The following ONECUT1 variants were observed in gnomAD, a reference collection of about 807,000 sequenced individuals.
The protein encoded by ONECUT1 is one cut homeobox 1, also known as hepatocyte nuclear factor 6.
A neutral mutation model predicts 25.6 loss-of-function variants in ONECUT1; 12 were observed. The ratio of observed to expected loss-of-function variants is 0.47; its 90% CI spans 0.30 to 0.76. The LOEUF is 0.76. Ranked by LOEUF, ONECUT1 falls within the 30% of genes least tolerant of loss-of-function variation. The pLI is 0.07. For missense variants in ONECUT1, 620 were observed against 651.2 expected, an observed-to-expected ratio of 0.95 and a Z score of 0.52; for synonymous variants, 285 against 270.2, an observed-to-expected ratio of 1.05 and a Z score of -0.54.
rs929909598 is a variant in ONECUT1, at chr15:52,757,211, G to T, written c.*344C>A. On this transcript the variant is annotated 3_prime_UTR_variant, in exon 2 of 2. Coordinates refer to ENST00000305901, the MANE Select transcript of ONECUT1 (RefSeq NM_004498.4). Reference sequence around the variant, plus strand: ...GTGGCATGGTAGAACAGATGAGAAAGTTCGATCTTAAAAGATGTCCGCTCA... The same window carrying T: ...GTGGCATGGTAGAACAGATGAGAAATTTCGATCTTAAAAGATGTCCGCTCA... 4.4e-5 allele frequency: 11 copies of T among 250,060 alleles called. No homozygotes were observed. Among genetic ancestry groups the T allele is most frequent in the African/African-American group, 2.1e-4 (9 of 43,510 alleles). 15.5% of individuals were successfully genotyped at this position (250,060 alleles called of 1,614,324 possible). A position where few individuals can be genotyped will look rare whatever the true frequency, so the allele number is the denominator to read the frequency against.
At chr15:52,787,642 A>AGGGGGGGGGGGGGGGG (rs1250360596) in intron 1 of ONECUT1, 1 of 12,818 alleles carries the variant, frequency 7.8e-5, no homozygotes, top group African/African-American at 3.0e-4. Context: ...GGGGTGGGGG[A>AGGGGGGGGGGGGGGGG]GTGGGGGGGG....
At chr15:52,767,356 C>T (rs2083740630) in intron 1 of ONECUT1, among the ~76,000 whole-genome samples, 1 of 152,196 alleles carries the variant, frequency 6.6e-6, no homozygotes, top group African/African-American at 2.4e-5. Context: ...GGTTTGTCTT[C>T]TCTCCCTTGT....
rs745904129 is a variant in ONECUT1 at position 52,789,591 on chromosome 15, G to C, written c.294C>G (p.Ser98Arg). 1.5e-5 allele frequency: 24 copies of C among 1,575,322 alleles called. No individual in the cohort carries two copies. The highest frequency in any genetic ancestry group is 2.1e-5 in the Non-Finnish European group (24 of 1,158,316). The change falls in exon 1 of 2, where the codon AGC becomes AGG. Residue 98 changes from serine (S) to arginine (R), a missense_variant. Physicochemically the swap from Ser to Arg is moderately radical, Grantham distance 110. Around this residue, in one of 4 missense-constraint regions of ONECUT1, gnomAD observed 440 missense variants for 404.9 expected, o/e 1.09. Transcript: ENST00000305901. This position sits in a 1 kb window ranked among gnomAD's most constrained non-coding sequence, Gnocchi z 4.1. ...TCAAGGTGGTGTAGGTGGTGGGCATGCTCATACCTGGGGGAGTCTCGCAGG... is the reference window on the plus strand; with the variant it reads ...TCAAGGTGGTGTAGGTGGTGGGCATCCTCATACCTGGGGGAGTCTCGCAGG... ...TMACETPPGM[S>R]MPTTYTTLTP...
In ONECUT1 at chr15:52,772,772, T is replaced by C. The variant is rs554635126; in HGVS notation, c.1106-14925A>G. Among the ~76,000 whole-genome samples the C allele has an allele frequency of 9.8e-5, 15 of 152,340 alleles. No homozygotes were observed. The East Asian group carries it at 2.9e-3, about 29-fold the overall frequency. Reference sequence around the variant, plus strand: ...TTTTTGTTGTTTTTGTTTTAATTTCTGCAGCTCCACACCCATGCTGTGACA... The same window carrying C: ...TTTTTGTTGTTTTTGTTTTAATTTCCGCAGCTCCACACCCATGCTGTGACA... On this transcript the variant is annotated intron_variant, in intron 1 of 1. Coordinates refer to ENST00000305901, the MANE Select transcript of ONECUT1 (RefSeq NM_004498.4).
Position 52,755,936 on chromosome 15 carries a change from GA to G in ONECUT1, c.*1618del, listed in dbSNP as rs2083671953. ...TCTGGTTAAGTGATTTGGACAAATA[GA>G]AATTTAAAATTTTGTATTTGTAAGC... On this transcript the variant is annotated 3_prime_UTR_variant, in exon 2 of 2. Transcript: ENST00000305901. 6.6e-6 allele frequency among the ~76,000 whole-genome samples: 1 copy of G among 152,042 alleles called. No homozygotes were observed. The highest frequency in any genetic ancestry group is 6.6e-5 in the Admixed American group (1 of 15,258).
At chr15:52,783,698 G>C (rs2083855657) in intron 1 of ONECUT1, among the ~76,000 whole-genome samples, 1 of 152,240 alleles carries the variant, frequency 6.6e-6, no homozygotes, top group Non-Finnish European at 1.5e-5. Context: ...ATATCCCTCA[G>C]CTCCAACCTC....
chr15:52,757,900 A>G, intron 1 of ONECUT1, 53 bp from the exon 2 acceptor site: 1 of 1,557,984 alleles, frequency 6.4e-7, no homozygotes, highest in Non-Finnish European at 8.7e-7. Context: ...GAGAATCATG[A>G]GTAGAAAGAC....
intron 1 of ONECUT1, among the ~76,000 whole-genome samples, chr15:52,776,943 G>A (rs1446884504): frequency 6.6e-6 from 1 of 152,200 alleles, no homozygotes; most frequent in Non-Finnish European, 1.5e-5. Context: ...TGCAGATTCA[G>A]GTTCAGTAGG....
intron 1 of ONECUT1, among the ~76,000 whole-genome samples, chr15:52,777,750 A>G (rs1480466306): frequency 6.6e-6 from 1 of 150,782 alleles, no homozygotes; most frequent in East Asian, 2.0e-4. Flanking sequence ...AAAAACATGT[A>G]AAGTTATTTG....
Position 52,757,265 on chromosome 15 carries a change from A to G in ONECUT1, c.*290T>C, listed in dbSNP as rs1356482522. The G allele has an allele frequency of 8.0e-6, 3 of 374,318 alleles. No individual in the cohort carries two copies. Among genetic ancestry groups the G allele is most frequent in the Non-Finnish European group, 1.4e-5 (3 of 208,500 alleles). 23.2% of individuals were successfully genotyped at this position (374,318 alleles called of 1,614,324 possible). A position where few individuals can be genotyped will look rare whatever the true frequency, so the allele number is the denominator to read the frequency against. On this transcript the variant is annotated 3_prime_UTR_variant, in exon 2 of 2. Transcript: ENST00000305901. ...GCTCAAAATCACTATGCTCCAAACC[A>G]CTAAACAGCCAAGCACAGCGAGGAT... is the stretch of plus-strand genomic sequence containing the variant.
chr15:52,768,164 A>G (rs1453737084), intron 1 of ONECUT1, among the ~76,000 whole-genome samples: 1 of 152,202 alleles, frequency 6.6e-6, no homozygotes, highest in African/African-American at 2.4e-5. Context: ...AATTTATTGT[A>G]TATTTCAAAA....
chr15:52,763,056 A>G (rs1255449752), intron 1 of ONECUT1, among the ~76,000 whole-genome samples: 1 of 152,240 alleles, frequency 6.6e-6, no homozygotes, highest in African/African-American at 2.4e-5. Flanking sequence ...CACATGTTTT[A>G]TGTGAATGTA....
intron 1 of ONECUT1, among the ~76,000 whole-genome samples, chr15:52,778,790 T>C (rs2083820681): frequency 6.6e-6 from 1 of 152,170 alleles, no homozygotes; most frequent in African/African-American, 2.4e-5. Context: ...CCAACTAAGC[T>C]TCCCCATGGA....
chr15:52,788,970 G>A lies in ONECUT1; in HGVS notation c.915C>T (p.Leu305=), dbSNP rs771819869. Residue 305 remains leucine (L), a synonymous_variant, in exon 1 of 2, where the codon CTC becomes CTT. Coordinates refer to ENST00000305901, the MANE Select transcript of ONECUT1 (RefSeq NM_004498.4). This position sits in a 1 kb window ranked among gnomAD's most constrained non-coding sequence, Gnocchi z 4.3. ...KEVAQRITTE[L]KRYSIPQAIF... ...TGGCCTGTGGGATGCTGTAGCGCTT[G>A]AGCTCGGTGGTGATACGCTGCGCCA... The A allele has an allele frequency of 1.5e-5, 24 of 1,613,014 alleles. No homozygotes were observed. In the Admixed American group the frequency reaches 3.8e-4, roughly 26 times the overall value.
chr15:52,774,288 G>GTTATTTATTTATTTATTTATTTAT lies in ONECUT1; in HGVS notation c.1105+14468_1105+14491dup, dbSNP rs369887471. Reference sequence around the variant, plus strand: ...CTAATAATTTGCAACAAGAAATGAAGTTATTTATTTATTTATTTATTTATT... The same window carrying GTTATTTATTTATTTATTTATTTAT: ...CTAATAATTTGCAACAAGAAATGAAGTTATTTATTTATTTATTTATTTATTTATTTATTTATTTATTTATTTATT... On this transcript the variant is annotated intron_variant, in intron 1 of 1. Coordinates refer to ENST00000305901, the MANE Select transcript of ONECUT1 (RefSeq NM_004498.4). Among the ~76,000 whole-genome samples the GTTATTTATTTATTTATTTATTTAT allele has an allele frequency of 6.8e-3, 1,019 of 150,112 alleles. 8 individuals carry two copies. Among genetic ancestry groups the GTTATTTATTTATTTATTTATTTAT allele is most frequent in the South Asian group, 0.02 (95 of 4,768 alleles).
At chr15:52,762,446 G>C (rs896429968) in intron 1 of ONECUT1, among the ~76,000 whole-genome samples, 1 of 152,212 alleles carries the variant, frequency 6.6e-6, no homozygotes, top group African/African-American at 2.4e-5. Flanking sequence ...GGTGGAGACT[G>C]TCGATTAATG....
chr15:52,789,090 CAGG>C lies in ONECUT1; in HGVS notation c.792_794del (p.Leu265del). 6.2e-7 allele frequency: 1 copy of C among 1,601,782 alleles called. No homozygotes were observed. Among genetic ancestry groups the C allele is most frequent in the Non-Finnish European group, 8.5e-7 (1 of 1,179,948 alleles). The stretch of plus-strand genomic sequence containing the variant: ...AAGGGTTGGGCTCCCGGGCTGTGCC[CAGG>C]AGTTGCCCGTGGCCCTGGGCGTTCA... On this transcript the variant is annotated inframe_deletion, in exon 1 of 2. Coordinates refer to ENST00000305901, the MANE Select transcript of ONECUT1 (RefSeq NM_004498.4). The surrounding 1 kb of genome is among the most constrained non-coding windows in gnomAD (Gnocchi z 4.1).
rs1390412816 is a variant in ONECUT1 at position 52,789,491 on chromosome 15, G to A, written c.394C>T (p.His132Tyr). The A allele has an allele frequency of 6.2e-7, 1 of 1,612,350 alleles. No individual in the cohort carries two copies. Among genetic ancestry groups the A allele is most frequent in the African/African-American group, 1.3e-5 (1 of 74,854 alleles). ...CGCTGGTGGTGGTGCGGGTGGTGGT[G>A]GTGATGGTGGTGGTGGTGATGGTGG... ...FPHHHHHHHHHHHPHHHQRLA... is the reference protein window; with the variant it reads ...FPHHHHHHHHYHHPHHHQRLA... The change falls in exon 1 of 2, where the codon CAC becomes TAC. Residue 132 changes from histidine (H) to tyrosine (Y), a missense_variant. His to Tyr is a moderately conservative substitution (Grantham distance 83). Coordinates refer to ENST00000305901, the MANE Select transcript of ONECUT1 (RefSeq NM_004498.4). This position sits in a 1 kb window ranked among gnomAD's most constrained non-coding sequence, Gnocchi z 4.1.
At chr15:52,783,815 T>C (rs1222239796) in intron 1 of ONECUT1, among the ~76,000 whole-genome samples, 1 of 152,206 alleles carries the variant, frequency 6.6e-6, no homozygotes, top group African/African-American at 2.4e-5. Flanking sequence ...GTACGCATCT[T>C]TTTTGGGGAG....
Sources: gnomAD v4.1 joint callset for allele counts (sites outside exome capture counted in the v4.1 genomes callset) on GRCh38, gnomAD v4.1.1 for gene constraint, gnomAD v4.1.1 regional missense constraint, Gnocchi (gnomAD v3.1) non-coding constraint, MANE v1.5 for transcripts, NCBI Gene and HGNC (gene_info 2026-07-23, HGNC 2026-07-21) for gene names.